Variants in ST3GAL6 observed in about 807,000 individuals in gnomAD.
ST3GAL6 encodes the protein ST3 beta-galactoside alpha-2,3-sialyltransferase 6, also known as type 2 lactosamine alpha-2,3-sialyltransferase.
In ST3GAL6, 31 loss-of-function variants were observed where a neutral mutation model predicts 40.5. That is an observed-to-expected ratio of 0.77 (90% CI 0.58 to 1.03). The LOEUF (loss-of-function observed/expected upper bound fraction) is 1.03. Ranked by LOEUF, ST3GAL6 falls within the 50% of genes least tolerant of loss-of-function variation. The pLI, the probability that ST3GAL6 is intolerant of heterozygous loss-of-function variation, is 0.00. For missense variants in ST3GAL6, 357 were observed against 393.2 expected, an observed-to-expected ratio of 0.91 and a Z score of 0.78; for synonymous variants, 129 against 136.9, an observed-to-expected ratio of 0.94 and a Z score of 0.40.
intron 1 of ST3GAL6, among the ~76,000 whole-genome samples, chr3:98,768,130 A>G (rs1487539722): frequency 6.6e-6 from 1 of 152,178 alleles, no homozygotes; most frequent in Non-Finnish European, 1.5e-5. Context: ...TTCTGAAGGA[A>G]TTATTTCTTT....
intron 1 of ST3GAL6, among the ~76,000 whole-genome samples, chr3:98,755,617 A>G (rs906351298): frequency 2.0e-5 from 3 of 152,202 alleles, no homozygotes; most frequent in Admixed American, 2.0e-4. Context: ...AAATACCGGA[A>G]TATTAATACC....
intron 8 of ST3GAL6, among the ~76,000 whole-genome samples, chr3:98,791,421 A>C (rs556501711): frequency 5.9e-5 from 9 of 152,322 alleles, no homozygotes; most frequent in Admixed American, 3.9e-4. Context: ...TCATGATTCC[A>C]TCCGTTTGTG....
chr3:98,771,438 G>A (rs1036802497), intron 3 of ST3GAL6, among the ~76,000 whole-genome samples: 1 of 151,980 alleles, frequency 6.6e-6, no homozygotes, highest in Non-Finnish European at 1.5e-5. Context: ...TGTGGCTCTT[G>A]GGCTTTGTAA....
intron 1 of ST3GAL6, among the ~76,000 whole-genome samples, chr3:98,748,446 A>C (rs1936725837): frequency 6.6e-6 from 1 of 151,950 alleles, no homozygotes; most frequent in Non-Finnish European, 1.5e-5. Context: ...AAGATTAGCT[A>C]TTATTTTCTT....
Position 98,773,911 on chromosome 3 carries a change from G to A in ST3GAL6, c.272-9G>A. 1 of 1,611,282 alleles carries A rather than the reference G, an allele frequency of 6.2e-7. No homozygotes were observed. The highest frequency in any genetic ancestry group is 8.5e-7 in the Non-Finnish European group (1 of 1,177,642). The stretch of plus-strand genomic sequence containing the variant: ...TCCTTTTATTCATAACACTCCATTT[G>A]TTTTCTAGCGGAATATTTTCGACTT... On this transcript the variant is annotated splice_polypyrimidine_tract_variant and intron_variant, in intron 4 of 9. Coordinates refer to ENST00000483910, the MANE Select transcript of ST3GAL6 (RefSeq NM_001323368.2).
chr3:98,732,881 A>G (rs1253661734), intron 1 of ST3GAL6: 1 of 1,512,188 alleles, frequency 6.6e-7, no homozygotes, highest in South Asian at 1.2e-5. Context: ...AGGCGCCGCG[A>G]GAGAGGCAGC....
upstream of ST3GAL6, among the ~76,000 whole-genome samples, chr3:98,760,289 C>T (rs2107388642): frequency 6.6e-6 from 1 of 152,312 alleles, no homozygotes; most frequent in Non-Finnish European, 1.5e-5. Flanking sequence ...CCAAAATCCA[C>T]TTGACTCAGT....
rs144944096 is a variant in ST3GAL6 at position 98,768,517 on chromosome 3, C to T, written c.77C>T (p.Thr26Met). 9.1e-5 allele frequency: 147 copies of T among 1,608,806 alleles called. No homozygotes were observed. The highest frequency in any genetic ancestry group is 1.1e-4 in the Non-Finnish European group (131 of 1,175,764). Residue 26 changes from threonine (T) to methionine (M), a missense_variant, in exon 2 of 10, where the codon ACG becomes ATG. By Grantham distance (81) the Thr-to-Met change is moderately conservative. Coordinates refer to ENST00000483910, the MANE Select transcript of ST3GAL6 (RefSeq NM_001323368.2). ...YYVLHCILWG[T>M]NVYWVAPVEM... ...GTACTGCATTGCATATTATGGGGAA[C>T]GAATGTCTATTGGTAAGTTTCATTT...
intron 4 of ST3GAL6, among the ~76,000 whole-genome samples, 178 bp from the exon 5 acceptor site, chr3:98,773,742 A>G (rs149998240): frequency 1.2e-3 from 177 of 152,268 alleles, no homozygotes; most frequent in Admixed American, 3.6e-3. Context: ...TACGATTTTG[A>G]ATGGGCCTGC....
At chr3:98,747,414 C>T (rs769884128) in intron 1 of ST3GAL6, among the ~76,000 whole-genome samples, 17 of 152,102 alleles carry the variant, frequency 1.1e-4, no homozygotes, top group Non-Finnish European at 2.1e-4. Context: ...TGTTACATGA[C>T]TTAAACTACC....
chr3:98,741,193 G>A (rs1000745847), intron 1 of ST3GAL6, among the ~76,000 whole-genome samples: 43 of 151,852 alleles, frequency 2.8e-4, no homozygotes, highest in Non-Finnish European at 2.8e-4. Context: ...AGCAAAAACC[G>A]TTCTCTCCGA....
chr3:98,784,618 A>T (rs1940505729), intron 5 of ST3GAL6: 1 of 230,938 alleles, frequency 4.3e-6, no homozygotes, highest in South Asian at 7.5e-5. Context: ...TTAAAATGTT[A>T]CATAATAGAT....
chr3:98,756,513 T>C, intron 1 of ST3GAL6: 8 of 1,277,216 alleles, frequency 6.3e-6, no homozygotes, highest in Non-Finnish European at 7.1e-6. Context: ...ACAGAGGGTC[T>C]TTAGGACACA....
rs1939143213 is a variant in ST3GAL6, at chr3:98,772,860, T to C, written c.215T>C (p.Ile72Thr). Residue 72 changes from isoleucine (I) to threonine (T), a missense_variant, in exon 4 of 10, where the codon ATT becomes ACT. Transcript: ENST00000483910. Reference sequence around the variant, plus strand: ...CTGTGTGCGGCTGATTTTAGAAAGATTGCTTCCTTGTATGGTAGCGATAAG... The same window carrying C: ...CTGTGTGCGGCTGATTTTAGAAAGACTGCTTCCTTGTATGGTAGCGATAAG... ...PFLCAADFRKIASLYGSDKFD... is the reference protein window; with the variant it reads ...PFLCAADFRKTASLYGSDKFD... 2 of 1,613,470 alleles carry C rather than the reference T, an allele frequency of 1.2e-6. No homozygotes were observed. Among genetic ancestry groups the C allele is most frequent in the Non-Finnish European group, 8.5e-7 (1 of 1,179,510 alleles).
intron 5 of ST3GAL6, among the ~76,000 whole-genome samples, chr3:98,778,094 T>C (rs1939723635): frequency 6.6e-6 from 1 of 152,180 alleles, no homozygotes. Flanking sequence ...ACCACCAACA[T>C]TCCTTCTGAA....
chr3:98,738,546 G>A lies in ST3GAL6; in HGVS notation c.-12+6014G>A, dbSNP rs115127341. Among the ~76,000 whole-genome samples, 1,250 of 152,234 alleles carry A rather than the reference G, an allele frequency of 8.2e-3. 28 individuals carry two copies. Among genetic ancestry groups the A allele is most frequent in the African/African-American group, 0.028 (1,169 of 41,548 alleles). Reference sequence around the variant, plus strand: ...TCCTGCCTCGGCCTCCCAAAGTGTCGGGATTACAGGCATAAGCCACTGTGC... The same window carrying A: ...TCCTGCCTCGGCCTCCCAAAGTGTCAGGATTACAGGCATAAGCCACTGTGC... On this transcript the variant is annotated intron_variant, in intron 1 of 9. Transcript: ENST00000265261.
At chr3:98,733,429 C>T in intron 1 of ST3GAL6, 1 of 1,001,554 alleles carries the variant, frequency 1.0e-6, no homozygotes, top group Non-Finnish European at 1.2e-6. Context: ...TCCTCGTTCA[C>T]TATTGTTTTC....
chr3:98,732,939 C>T (rs1349527518), intron 1 of ST3GAL6: 9 of 1,512,422 alleles, frequency 6.0e-6, no homozygotes, highest in African/African-American at 1.4e-5. Context: ...CGGTGCGCCT[C>T]TGCGGTCGTC....
chr3:98,792,932 A>AT (rs1941333008), intron 9 of ST3GAL6, among the ~76,000 whole-genome samples: 1 of 152,192 alleles, frequency 6.6e-6, no homozygotes, highest in Admixed American at 6.5e-5. Context: ...TACTTTTAAT[A>AT]TTGAAATATT....
Sources: allele counts gnomAD v4.1 joint callset (sites outside exome capture counted in the v4.1 genomes callset), GRCh38; gene constraint gnomAD v4.1.1; transcripts MANE v1.5; gene names NCBI Gene and HGNC (gene_info 2026-07-23, HGNC 2026-07-21).